The following PTPRD variants were observed in gnomAD, a reference collection of about 807,000 sequenced individuals.
The protein encoded by PTPRD is protein tyrosine phosphatase receptor type D.
A neutral mutation model predicts 214.5 loss-of-function variants in PTPRD; 34 were observed. The observed-to-expected ratio is 0.16, with a 90% CI of 0.12 to 0.21. The LOEUF (loss-of-function observed/expected upper bound fraction) is 0.21. Ranked by LOEUF, PTPRD falls within the 10% of genes least tolerant of loss-of-function variation. PTPRD has a pLI of 1.00. For missense variants in PTPRD, 2,545 were observed against 2,398.7 expected (o/e 1.06, Z -1.27); for synonymous variants, 1,128 against 845.7 (o/e 1.33, Z -5.79).
intron 10 of PTPRD, among the ~76,000 whole-genome samples, chr9:9,032,417 C>T (rs922161797): frequency 1.3e-5 from 2 of 151,886 alleles, no homozygotes; most frequent in Non-Finnish European, 2.9e-5. Context: ...GAGTATTATA[C>T]AAAAACAGAG....
At chr9:9,995,808 C>A (rs139521286) in intron 4 of PTPRD, among the ~76,000 whole-genome samples, 3 of 152,020 alleles carry the variant, frequency 2.0e-5, no homozygotes, top group Non-Finnish European at 4.4e-5. Context: ...AGATTATATT[C>A]TTATATTTTT....
chr9:9,625,157 C>G (rs1158099523), intron 7 of PTPRD, among the ~76,000 whole-genome samples: 1 of 152,134 alleles, frequency 6.6e-6, no homozygotes, highest in Non-Finnish European at 1.5e-5. Flanking sequence ...CAGTCCTTAT[C>G]CAGGATTGTT....
chr9:8,325,048 G>T (rs138988346), intron 44 of PTPRD, among the ~76,000 whole-genome samples: 5,107 of 150,642 alleles, frequency 0.034, 330 homozygotes, highest in African/African-American at 0.12. Context: ...TCTGTAGGTT[G>T]CCTGTTCACT....
chr9:10,111,253 T>TTC (rs1297816181), intron 3 of PTPRD, among the ~76,000 whole-genome samples: 2 of 136,582 alleles, frequency 1.5e-5, no homozygotes, highest in Non-Finnish European at 3.1e-5. Flanking sequence ...TTTTTTTTTT[T>TTC]TTTGAGACGG....
chr9:9,678,520 TA>T (rs1185515578), intron 7 of PTPRD, among the ~76,000 whole-genome samples: 1 of 151,838 alleles, frequency 6.6e-6, no homozygotes, highest in South Asian at 2.1e-4. Context: ...ACTTACACAA[TA>T]AAAAATCCTT....
At chr9:10,404,195 T>TAAAC (rs1193144700) in intron 2 of PTPRD, among the ~76,000 whole-genome samples, 4 of 151,864 alleles carry the variant, frequency 2.6e-5, no homozygotes, top group African/African-American at 9.6e-5. Context: ...AAATAAATAA[T>TAAAC]AAACAAACAA....
At chr9:9,965,415 A>G (rs145577671) in intron 4 of PTPRD, among the ~76,000 whole-genome samples, 83 of 152,312 alleles carry the variant, frequency 5.4e-4, no homozygotes, top group African/African-American at 1.9e-3. Context: ...GTCACGGATT[A>G]GCAGAAAAGG....
intron 28 of PTPRD, 37 bp downstream of exon 28, chr9:8,485,725 C>T (rs777406414): frequency 6.5e-7 from 1 of 1,531,148 alleles, no homozygotes; most frequent in Non-Finnish European, 8.9e-7. Flanking sequence ...ACTGACAATC[C>T]TTTAAAGGAG....
At chr9:10,571,631 T>C (rs1369213834) in intron 2 of PTPRD, among the ~76,000 whole-genome samples, 1 of 152,146 alleles carries the variant, frequency 6.6e-6, no homozygotes, top group Non-Finnish European at 1.5e-5. Context: ...AAACTGTGTA[T>C]GTAAAATGCC....
intron 11 of PTPRD, among the ~76,000 whole-genome samples, chr9:8,766,738 T>C (rs1324682371): frequency 6.6e-6 from 1 of 152,202 alleles, no homozygotes; most frequent in African/African-American, 2.4e-5. Context: ...GGGTAAATAA[T>C]TGTCTTACTT....
chr9:8,940,864 C>G (rs900083990), intron 11 of PTPRD, among the ~76,000 whole-genome samples: 1 of 149,528 alleles, frequency 6.7e-6, no homozygotes, highest in Non-Finnish European at 1.5e-5. Context: ...ATGATGTTCA[C>G]AAGGCCAACC....
At chr9:8,440,685 T>C (rs1466368011) in intron 34 of PTPRD, among the ~76,000 whole-genome samples, 2 of 152,130 alleles carry the variant, frequency 1.3e-5, no homozygotes, top group Non-Finnish European at 2.9e-5. Context: ...CTCCACAATA[T>C]AGAGTCAACA....
At chr9:9,735,861 C>T (rs190740292) in intron 6 of PTPRD, among the ~76,000 whole-genome samples, 143 of 152,122 alleles carry the variant, frequency 9.4e-4, no homozygotes, top group African/African-American at 3.2e-3. Context: ...TATTTCTTTG[C>T]GGTGCGTTAT....
In PTPRD at chr9:8,534,921, G is replaced by A. The variant is rs190713729; in HGVS notation, c.353-6142C>T. Among the ~76,000 whole-genome samples the A allele has an allele frequency of 1.8e-3, 278 of 151,930 alleles. 1 individual carries two copies. Among genetic ancestry groups the A allele is most frequent in the South Asian group, 6.0e-3 (29 of 4,806 alleles). On this transcript the variant is annotated intron_variant, in intron 14 of 45. Coordinates refer to ENST00000381196, the MANE Select transcript of PTPRD (RefSeq NM_002839.4). ...GAACTATTAGTTCTAAAAACCTACC[G>A]GATAGTCAACAGATGGCATCATTCA...
chr9:8,953,426 T>C (rs1340260191), intron 11 of PTPRD, among the ~76,000 whole-genome samples: 1 of 151,820 alleles, frequency 6.6e-6, no homozygotes, highest in Non-Finnish European at 1.5e-5. Flanking sequence ...ATACCCTTCT[T>C]GATATCAGCC....
At chr9:10,321,207 G>T (rs2096546316) in intron 3 of PTPRD, among the ~76,000 whole-genome samples, 1 of 151,604 alleles carries the variant, frequency 6.6e-6, no homozygotes, top group Admixed American at 6.6e-5. Flanking sequence ...TACTCCAAAG[G>T]GGAAAAAAAA....
At chr9:9,176,432 C>T (rs745446742) in intron 10 of PTPRD, among the ~76,000 whole-genome samples, 12 of 152,146 alleles carry the variant, frequency 7.9e-5, no homozygotes, top group African/African-American at 1.4e-4. Flanking sequence ...AGGTGCTTTT[C>T]TTCCTTTTTG....
At chr9:10,117,996 T>C (rs940641687) in intron 3 of PTPRD, among the ~76,000 whole-genome samples, 2 of 151,972 alleles carry the variant, frequency 1.3e-5, no homozygotes, top group Non-Finnish European at 2.9e-5. Flanking sequence ...CTTTCCCCCC[T>C]GGAAAAAATG....
At chr9:10,363,991 G>GTTTTTTTGTTGC (rs1485501417) in intron 2 of PTPRD, among the ~76,000 whole-genome samples, 7 of 35,132 alleles carry the variant, frequency 2.0e-4, no homozygotes, top group Non-Finnish European at 3.3e-4. Context: ...ACATTTTCGG[G>GTTTTTTTGTTGC]TTTTTTTTTT....
Sources: allele counts gnomAD v4.1 joint callset (sites outside exome capture counted in the v4.1 genomes callset), GRCh38; gene constraint gnomAD v4.1.1; transcripts MANE v1.5; gene names NCBI Gene and HGNC (gene_info 2026-07-23, HGNC 2026-07-21).